Variants in MARCHF3 observed in about 807,000 individuals in gnomAD.
MARCHF3 encodes membrane associated ring-CH-type finger 3, also known as E3 ubiquitin-protein ligase MARCHF3.
In MARCHF3, 13 loss-of-function variants were observed where a neutral mutation model predicts 24.2. The observed-to-expected ratio is 0.54, with a 90% CI of 0.35 to 0.85. MARCHF3 has a LOEUF of 0.85. MARCHF3 is among the 40% of genes least tolerant of loss of function. MARCHF3 has a pLI of 0.01. For missense variants in MARCHF3, 276 were observed against 325.0 expected (o/e 0.85, Z 1.16); for synonymous variants, 144 against 137.3 (o/e 1.05, Z -0.34).
At chr5:127,014,338 A>G (rs1336921872) in intron 1 of MARCHF3, among the ~76,000 whole-genome samples, 1 of 152,062 alleles carries the variant, frequency 6.6e-6, no homozygotes, top group African/African-American at 2.4e-5. Flanking sequence ...CAAAAAGACA[A>G]TCTTATACAC....
chr5:126,992,685 T>C (rs1485097997), intron 1 of MARCHF3, among the ~76,000 whole-genome samples: 2 of 151,738 alleles, frequency 1.3e-5, no homozygotes, highest in East Asian at 1.9e-4. Flanking sequence ...ACGATTACCA[T>C]AGAACTCTGA....
At chr5:126,951,642 C>G (rs1005469316) in intron 1 of MARCHF3, among the ~76,000 whole-genome samples, 4 of 152,134 alleles carry the variant, frequency 2.6e-5, no homozygotes, top group Non-Finnish European at 5.9e-5. Flanking sequence ...TACCCACGCT[C>G]AAATCATTTT....
chr5:126,909,764 C>G (rs1027631058), intron 3 of MARCHF3, among the ~76,000 whole-genome samples: 1 of 152,212 alleles, frequency 6.6e-6, no homozygotes, highest in Non-Finnish European at 1.5e-5. Flanking sequence ...GCAGAAATCA[C>G]CCGTCTTCTG....
intron 3 of MARCHF3, among the ~76,000 whole-genome samples, chr5:126,892,196 A>G (rs1487344348): frequency 1.1e-4 from 15 of 138,956 alleles, no homozygotes; most frequent in African/African-American, 1.9e-4. Flanking sequence ...GGGCTGAGGC[A>G]ATGGGGTTTT....
intron 1 of MARCHF3, among the ~76,000 whole-genome samples, chr5:126,974,186 C>T (rs188038145): frequency 2.0e-5 from 3 of 152,226 alleles, no homozygotes; most frequent in East Asian, 1.9e-4. Context: ...CGTGAGCCAC[C>T]GCGCCCGGCC....
intron 3 of MARCHF3, among the ~76,000 whole-genome samples, chr5:126,900,398 C>T (rs977707914): frequency 1.3e-4 from 20 of 151,982 alleles, no homozygotes; most frequent in African/African-American, 4.8e-4. Flanking sequence ...GAGGATGGAG[C>T]ACCCATGACT....
intron 1 of MARCHF3, among the ~76,000 whole-genome samples, chr5:126,988,979 A>G (rs1032070006): frequency 6.6e-6 from 1 of 152,246 alleles, no homozygotes; most frequent in African/African-American, 2.4e-5. Context: ...TTTTAAATGT[A>G]GTTAACTCCC....
intron 3 of MARCHF3, among the ~76,000 whole-genome samples, chr5:126,909,511 A>G (rs942440957): frequency 3.9e-5 from 6 of 152,210 alleles, no homozygotes; most frequent in African/African-American, 1.4e-4. Flanking sequence ...CGCACAGGAT[A>G]TAATCTCCTG....
At chr5:126,946,830 G>A (rs1223166169) in intron 1 of MARCHF3, among the ~76,000 whole-genome samples, 4 of 151,014 alleles carry the variant, frequency 2.6e-5, no homozygotes, top group African/African-American at 4.9e-5. Context: ...AGGGGGCACT[G>A]AGGACCTCTA....
intron 1 of MARCHF3, among the ~76,000 whole-genome samples, chr5:127,008,615 G>A: frequency 6.6e-6 from 1 of 152,230 alleles, no homozygotes; most frequent in Non-Finnish European, 1.5e-5. Context: ...GTGGGAAGAA[G>A]AAATAAACTG....
chr5:127,001,652 G>A (rs1294256494), intron 1 of MARCHF3, among the ~76,000 whole-genome samples: 2 of 152,092 alleles, frequency 1.3e-5, no homozygotes, highest in African/African-American at 4.8e-5. Flanking sequence ...CCTCTCCACT[G>A]TCACCCTACC....
intron 1 of MARCHF3, among the ~76,000 whole-genome samples, chr5:126,982,111 C>G (rs530409883): frequency 1.3e-5 from 2 of 152,326 alleles, no homozygotes; most frequent in South Asian, 2.1e-4. Context: ...AAACCTGGTT[C>G]CGCTGTCCAA....
intron 1 of MARCHF3, among the ~76,000 whole-genome samples, chr5:126,941,776 G>T (rs529412659): frequency 6.6e-6 from 1 of 152,330 alleles, no homozygotes; most frequent in South Asian, 2.1e-4. Flanking sequence ...TGACCCCATT[G>T]CCACTGTTGT....
At chr5:126,922,653 TCTC>T (rs1397498834) in intron 1 of MARCHF3, among the ~76,000 whole-genome samples, 1 of 152,040 alleles carries the variant, frequency 6.6e-6, no homozygotes, top group African/African-American at 2.4e-5. Flanking sequence ...TTCATGCCAT[TCTC>T]CTGCCTCAGC....
intron 4 of MARCHF3, among the ~76,000 whole-genome samples, chr5:126,875,532 C>T (rs1236608409): frequency 6.6e-5 from 10 of 152,212 alleles, no homozygotes; most frequent in South Asian, 2.1e-4. Context: ...GGGTTTCTGC[C>T]GCAGGGCAGT....
At chr5:126,981,235 G>A (rs1751383910) in intron 1 of MARCHF3, among the ~76,000 whole-genome samples, 1 of 152,214 alleles carries the variant, frequency 6.6e-6, no homozygotes, top group African/African-American at 2.4e-5. Flanking sequence ...GTCCAGTGAG[G>A]AAGAAAAGCT....
chr5:126,872,058 C>G (rs1454625298), intron 4 of MARCHF3, among the ~76,000 whole-genome samples: 1 of 149,616 alleles, frequency 6.7e-6, no homozygotes, highest in Non-Finnish European at 1.5e-5. Flanking sequence ...CATAATGGTG[C>G]CTGAGAGATC....
chr5:126,993,383 A>C (rs1203983277), intron 1 of MARCHF3, among the ~76,000 whole-genome samples: 1 of 152,180 alleles, frequency 6.6e-6, no homozygotes, highest in Non-Finnish European at 1.5e-5. Context: ...AAAAGTAATC[A>C]GTTATTAGGC....
At chr5:126,873,253 T>C (rs1400993456) in intron 4 of MARCHF3, among the ~76,000 whole-genome samples, 1 of 152,122 alleles carries the variant, frequency 6.6e-6, no homozygotes, top group Non-Finnish European at 1.5e-5. Context: ...TTTCCTTGTT[T>C]GTAAGATGTG....
Sources: allele counts gnomAD v4.1 joint callset (sites outside exome capture counted in the v4.1 genomes callset), GRCh38; gene constraint gnomAD v4.1.1; transcripts MANE v1.5; gene names NCBI Gene and HGNC (gene_info 2026-07-23, HGNC 2026-07-21).